RIMS2: variants seen among roughly 807,000 people sequenced by gnomAD.
RIMS2 encodes regulating synaptic membrane exocytosis 2.
In RIMS2, 59 loss-of-function variants were observed where a neutral mutation model predicts 174.4. The observed-to-expected ratio is 0.34, with a 90% confidence interval of 0.27 to 0.42. RIMS2 has a LOEUF of 0.42. Among genes scored for constraint, RIMS2 ranks in the 10% least tolerant of loss-of-function variants. The probability of loss-of-function intolerance (pLI) is 1.00; values close to 1 mark genes in which losing one functional copy is unlikely to be tolerated. For synonymous variants in RIMS2, 606 were observed against 572.5 expected, an observed-to-expected ratio of 1.06 and a Z score of -0.84; for missense variants, 1,620 against 1,666.3, an observed-to-expected ratio of 0.97 and a Z score of 0.48.
chr8:103,990,016 T>A (rs1375358101), intron 17 of RIMS2, among the ~76,000 whole-genome samples: 1 of 152,192 alleles, frequency 6.6e-6, no homozygotes, highest in Non-Finnish European at 1.5e-5. Context: ...AGTAACATGG[T>A]ATGTTACAAT....
intron 19 of RIMS2, among the ~76,000 whole-genome samples, chr8:104,124,375 A>G (rs1365555720): frequency 6.6e-6 from 1 of 152,144 alleles, no homozygotes; most frequent in Non-Finnish European, 1.5e-5. Flanking sequence ...AGCAAAACTA[A>G]CAAAGTGAGA....
At chr8:103,938,674 C>T (rs2081866943) in intron 13 of RIMS2, among the ~76,000 whole-genome samples, 1 of 152,082 alleles carries the variant, frequency 6.6e-6, no homozygotes, top group Non-Finnish European at 1.5e-5. Context: ...GTCCAGAGTC[C>T]AAAGTCCAAA....
intron 19 of RIMS2, among the ~76,000 whole-genome samples, chr8:104,090,883 TA>T (rs2097643205): frequency 1.3e-5 from 2 of 151,866 alleles, no homozygotes; most frequent in African/African-American, 4.8e-5. Context: ...ATTTATTAAG[TA>T]TTTCTAGCTA....
chr8:103,759,564 C>CAAAAAAAAAA (rs35946104), intron 2 of RIMS2, among the ~76,000 whole-genome samples: 15 of 70,014 alleles, frequency 2.1e-4, no homozygotes, highest in African/African-American at 3.3e-4. Flanking sequence ...GACTCCGTCT[C>CAAAAAAAAAA]AAAAAAAAAA....
chr8:103,915,408 A>G (rs1381231330), intron 6 of RIMS2, 87 bp from the exon 10 acceptor site: 7 of 652,242 alleles, frequency 1.1e-5, no homozygotes, highest in South Asian at 2.7e-5. Context: ...AGGTGTTGCA[A>G]ATTGTTCTAG....
chr8:103,551,019 A>G (rs1190549937), intron 1 of RIMS2, among the ~76,000 whole-genome samples: 1 of 152,226 alleles, frequency 6.6e-6, no homozygotes, highest in East Asian at 1.9e-4. Context: ...TACCAGAGGT[A>G]CAAAGATGAG....
At chr8:104,042,800 G>T (rs10094056) in intron 19 of RIMS2, among the ~76,000 whole-genome samples, 38,311 of 151,302 alleles carry the variant, frequency 0.25, 5,251 homozygotes, top group African/African-American at 0.35. Context: ...CAGGAGAGAA[G>T]TCTGGGCTAG....
chr8:103,522,254 A>G (rs887097282), intron 1 of RIMS2, among the ~76,000 whole-genome samples: 3 of 152,136 alleles, frequency 2.0e-5, no homozygotes, highest in Non-Finnish European at 4.4e-5. Flanking sequence ...GTTTTACTGC[A>G]TCTACTTAAG....
At chr8:104,096,854 G>A (rs368149910) in intron 19 of RIMS2, among the ~76,000 whole-genome samples, 3 of 148,968 alleles carry the variant, frequency 2.0e-5, no homozygotes, top group African/African-American at 2.5e-5. Flanking sequence ...GTGACAGAGC[G>A]AGACTCCATC....
chr8:104,157,957 C>T (rs905985707), intron 19 of RIMS2, among the ~76,000 whole-genome samples: 2 of 152,076 alleles, frequency 1.3e-5, no homozygotes, highest in Non-Finnish European at 2.9e-5. Context: ...TACATGTGCA[C>T]AACGTGCAGG....
intron 1 of RIMS2, among the ~76,000 whole-genome samples, chr8:103,670,404 T>C (rs1400457386): frequency 6.6e-6 from 1 of 152,270 alleles, no homozygotes; most frequent in Non-Finnish European, 1.5e-5. Flanking sequence ...GGCTCCTCGT[T>C]ACTTAAGCAA....
At chr8:103,653,819 G>A (rs977539657) in intron 1 of RIMS2, among the ~76,000 whole-genome samples, 8 of 152,004 alleles carry the variant, frequency 5.3e-5, no homozygotes, top group African/African-American at 1.9e-4. Flanking sequence ...TTCTCAAATT[G>A]GAACTTCTCC....
chr8:103,792,829 C>A (rs1332141883), intron 3 of RIMS2, among the ~76,000 whole-genome samples: 1 of 151,734 alleles, frequency 6.6e-6, no homozygotes, highest in African/African-American at 2.4e-5. Flanking sequence ...CTAGAAAATC[C>A]GAAAGAAATG....
chr8:103,911,557 A>T (rs969237839), intron 5 of RIMS2, among the ~76,000 whole-genome samples: 2 of 152,146 alleles, frequency 1.3e-5, no homozygotes, highest in Non-Finnish European at 2.9e-5. Context: ...AGCCCTCATC[A>T]TAGGCTCAAA....
At chr8:103,740,064 G>T (rs989471875) in intron 2 of RIMS2, among the ~76,000 whole-genome samples, 1 of 152,080 alleles carries the variant, frequency 6.6e-6, no homozygotes, top group African/African-American at 2.4e-5. Context: ...AATTTAGAGT[G>T]GACGGGAAAT....
intron 19 of RIMS2, among the ~76,000 whole-genome samples, chr8:104,190,833 G>A (rs1035990506): frequency 4.6e-5 from 7 of 151,984 alleles, no homozygotes; most frequent in African/African-American, 1.4e-4. Flanking sequence ...GCTACTGGCA[G>A]ACTGAATTAT....
intron 1 of RIMS2, among the ~76,000 whole-genome samples, chr8:103,587,355 A>T (rs2093982155): frequency 6.6e-6 from 1 of 151,706 alleles, no homozygotes; most frequent in African/African-American, 2.4e-5. Flanking sequence ...AACTCATTTT[A>T]CAAGTCCAGT....
chr8:103,669,146 T>C (rs1169556904), intron 1 of RIMS2, among the ~76,000 whole-genome samples: 1 of 152,124 alleles, frequency 6.6e-6, no homozygotes, highest in African/African-American at 2.4e-5. Context: ...AAGGCACATC[T>C]TACATGGTGG....
Position 103,674,484 on chromosome 8 carries a change from G to GT in RIMS2, c.177-22594dup, listed in dbSNP as rs200499128. ...TTTAAAATTCTTTTTATTTTTAACT[G>GT]TTTTTTTTGTATCTATATCTTTTTT... is the stretch of plus-strand genomic sequence containing the variant. On this transcript the variant is annotated intron_variant, in intron 1 of 23. Transcript: ENST00000504942. 5.3e-3 allele frequency among the ~76,000 whole-genome samples: 804 copies of GT among 151,452 alleles called. 7 individuals carry two copies. Among genetic ancestry groups the GT allele is most frequent in the African/African-American group, 0.018 (736 of 41,304 alleles).
Sources: allele counts gnomAD v4.1 joint callset (sites outside exome capture counted in the v4.1 genomes callset), GRCh38; gene constraint gnomAD v4.1.1; transcripts MANE v1.5; gene names NCBI Gene and HGNC (gene_info 2026-07-23, HGNC 2026-07-21).